Variants in KLK14 observed in about 807,000 individuals in gnomAD.
The protein encoded by KLK14 is kallikrein related peptidase 14, also known as kallikrein-14.
Under a neutral mutation model 24.6 loss-of-function variants are expected in KLK14, and 21 were observed. That is an observed-to-expected ratio of 0.85 (90% CI 0.61 to 1.23). KLK14 has a LOEUF of 1.23. Among genes scored for constraint, KLK14 ranks in the 50% most tolerant of loss-of-function variants. KLK14 has a pLI of 0.00. For synonymous variants in KLK14, 133 were observed against 139.7 expected, an observed-to-expected ratio of 0.95 and a Z score of 0.34; for missense variants, 320 against 338.9, an observed-to-expected ratio of 0.94 and a Z score of 0.44.
At chr19:51,083,297 G>C (rs1356570583), upstream of KLK14, among the ~76,000 whole-genome samples, 2 of 150,370 alleles carry the variant, frequency 1.3e-5, no homozygotes, top group Non-Finnish European at 3.0e-5. Context: ...GAGAGAGAGA[G>C]AGAGAGAGAG....
In KLK14 at chr19:51,078,217, G is replaced by A. The variant is rs1307005032; in HGVS notation, c.604-58C>T. ...TGGACAGGTAGCCAGAGCCACCATGGCACAGAGAACCCGAGAAGCAGACAC... is the reference window on the plus strand; with the variant it reads ...TGGACAGGTAGCCAGAGCCACCATGACACAGAGAACCCGAGAAGCAGACAC... On this transcript the variant is annotated intron_variant, in intron 5 of 5. Transcript: ENST00000650543. This position sits in a 1 kb window ranked among gnomAD's most constrained non-coding sequence, Gnocchi z 5.0. 2 of 1,565,648 alleles carry A rather than the reference G, an allele frequency of 1.3e-6. No homozygotes were observed. Among genetic ancestry groups the A allele is most frequent in the South Asian group, 1.1e-5 (1 of 87,858 alleles).
At position 51,078,458 on chromosome 19, in the gene KLK14, C is replaced by G. The variant is rs1599795852; in HGVS notation, c.604-299G>C. On this transcript the variant is annotated intron_variant, in intron 5 of 5. Transcript: ENST00000650543. The surrounding 1 kb of genome is among the most constrained non-coding windows in gnomAD (Gnocchi z 5.0). ...TGTCTCTCTTTTTCTATTTCCCCAT[C>G]TCTGCCTCCCTCAAGGATGCATTAA... Among the ~76,000 whole-genome samples, 6 of 152,254 alleles carry G rather than the reference C, an allele frequency of 3.9e-5. No homozygotes were observed. The South Asian group carries it at 1.2e-3, about 32-fold the overall frequency.
At position 51,081,665 on chromosome 19, in the gene KLK14, C is replaced by G. The variant is rs746774315; in HGVS notation, c.79G>C (p.Gly27Arg). 1.9e-6 allele frequency: 3 copies of G among 1,552,302 alleles called. No homozygotes were observed. Among genetic ancestry groups the G allele is most frequent in the Non-Finnish European group, 1.7e-6 (2 of 1,147,054 alleles). Residue 27 changes from glycine (G) to arginine (R), a missense_variant, in exon 3 of 6, where the codon GGT (glycine) becomes CGT (arginine). Physicochemically the swap from Gly to Arg is moderately radical, Grantham distance 125 (BLOSUM62 -2). Transcript: ENST00000650543. The part of the protein sequence containing the change: ...QSQEDENKII[G>R]GHTCTRSSQP... ...GAGCTCCGGGTGCACGTATGGCCAC[C>G]AATTATCTTGTTCTCATCCTCTTGG...
intron 3 of KLK14, among the ~76,000 whole-genome samples, chr19:51,080,130 C>T (rs2091831123): frequency 6.6e-6 from 1 of 152,218 alleles, no homozygotes; most frequent in Non-Finnish European, 1.5e-5. Context: ...TGACTCTATG[C>T]TAAGATCAGG....
intron 2 of KLK14, among the ~76,000 whole-genome samples, 199 bp from the exon 3 acceptor site, chr19:51,081,902 C>T (rs938098579): frequency 6.6e-6 from 1 of 152,118 alleles, no homozygotes; most frequent in African/African-American, 2.4e-5. Flanking sequence ...CTTTCTGACT[C>T]ACCTCCCAAG....
Position 51,082,844 on chromosome 19 carries a change from C to T in KLK14, c.-145G>A, listed in dbSNP as rs1367066932. ...GGAGGATGTGGAGCAGGGCACAGGTCCCTCCTTGATGTCTTGATGAAGGAA... is the reference window on the plus strand; with the variant it reads ...GGAGGATGTGGAGCAGGGCACAGGTTCCTCCTTGATGTCTTGATGAAGGAA... On this transcript the variant is annotated 5_prime_UTR_variant, in exon 1 of 6. Transcript: ENST00000650543. 6 of 1,362,810 alleles carry T rather than the reference C, an allele frequency of 4.4e-6. No homozygotes were observed. Among genetic ancestry groups the T allele is most frequent in the Admixed American group, 2.0e-5 (1 of 50,468 alleles). The allele number at this position is 1,362,810 out of a possible 1,614,324, so 84.4% of individuals were successfully genotyped here.
At position 51,078,276 on chromosome 19, in the gene KLK14, G is replaced by A; in HGVS notation, c.604-117C>T. The stretch of plus-strand genomic sequence containing the variant: ...AGGCAGAGACACTGGTGGACAGTTA[G>A]GGACACAGTCCTGCCCCAGCTCTGA... On this transcript the variant is annotated intron_variant, in intron 5 of 5. Coordinates refer to ENST00000650543, the MANE Select transcript of KLK14 (RefSeq NM_001369775.2). The surrounding 1 kb of genome is among the most constrained non-coding windows in gnomAD (Gnocchi z 5.0). 8.9e-7 allele frequency: 1 copy of A among 1,123,524 alleles called. No homozygotes were observed. Among genetic ancestry groups the A allele is most frequent in the Non-Finnish European group, 1.3e-6 (1 of 791,696 alleles). The allele number at this position is 1,123,524 out of a possible 1,614,324, so 69.6% of individuals were successfully genotyped here.
chr19:51,081,602 G>T lies in KLK14; in HGVS notation c.142C>A (p.Arg48Ser). The T allele has an allele frequency of 6.4e-7, 1 of 1,550,628 alleles. No homozygotes were observed. The highest frequency in any genetic ancestry group is 8.7e-7 in the Non-Finnish European group (1 of 1,146,368). ...WQAALLAGPR[R>S]RFLCGGALLS... ...AGGGCGCCTCCGCAGAGGAAGCGGC[G>T]CCTGGGACCCGCCAGCAGGGCCGCC... The change falls in exon 3 of 6, where the codon CGC becomes AGC. Residue 48 changes from arginine to serine, a missense_variant. By Grantham distance (110) the Arg-to-Ser change is moderately radical. Coordinates refer to ENST00000650543, the MANE Select transcript of KLK14 (RefSeq NM_001369775.2).
At chr19:51,080,704 G>A (rs1054472811) in intron 3 of KLK14, among the ~76,000 whole-genome samples, 2 of 152,048 alleles carry the variant, frequency 1.3e-5, no homozygotes. Context: ...ATGGAGTTTC[G>A]CTCTTGTTGC....
intron 3 of KLK14, among the ~76,000 whole-genome samples, chr19:51,080,748 AC>A (rs2091834573): frequency 6.6e-6 from 1 of 152,102 alleles, no homozygotes; most frequent in Admixed American, 6.5e-5. Context: ...ATCTTGACTC[AC>A]TGCAACCTCC....
Position 51,081,517 on chromosome 19 carries a change from G to A in KLK14, c.212+15C>T. 6.7e-7 allele frequency: 1 copy of A among 1,496,052 alleles called. No individual in the cohort carries two copies. The highest frequency in any genetic ancestry group is 9.0e-7 in the Non-Finnish European group (1 of 1,117,148). 92.7% of individuals were successfully genotyped at this position (1,496,052 alleles called of 1,614,324 possible). On this transcript the variant is annotated intron_variant, in intron 3 of 5. Transcript: ENST00000650543. The stretch of plus-strand genomic sequence containing the variant: ...GAATTCACTAGGTACAGGGACAGGG[G>A]AGGGGGTCACTTACGGGCGGCCGCA...
At position 51,078,094 on chromosome 19, in the gene KLK14, C is replaced by T; in HGVS notation, c.669G>A (p.Glu223=). 1 of 1,613,972 alleles carries T rather than the reference C, an allele frequency of 6.2e-7. No individual in the cohort carries two copies. The highest frequency in any genetic ancestry group is 8.5e-7 in the Non-Finnish European group (1 of 1,179,902). ...CGGGGTAGCCAGGCAGGGCGCAGCG[C>T]TCCATTCCCCAAGACACGAGGCCCT... ...QLQGLVSWGM[E]RCALPGYPGV... Residue 223 remains glutamate (E), a synonymous_variant, in exon 6 of 6, where the codon GAG becomes GAA. Coordinates refer to ENST00000650543, the MANE Select transcript of KLK14 (RefSeq NM_001369775.2). The surrounding 1 kb of genome is among the most constrained non-coding windows in gnomAD (Gnocchi z 5.0).
At position 51,082,789 on chromosome 19, in the gene KLK14, G is replaced by A. The variant is rs370668641; in HGVS notation, c.-90C>T. The A allele has an allele frequency of 4.3e-5, 69 of 1,605,392 alleles. No individual in the cohort carries two copies. The highest frequency in any genetic ancestry group is 5.2e-5 in the Non-Finnish European group (61 of 1,176,370). Reference sequence around the variant, plus strand: ...GGTAGGGACCAGAGACGAGGGGGGCGGGGCCTGCAGGCTCTGCGGGCGGCA... The same window carrying A: ...GGTAGGGACCAGAGACGAGGGGGGCAGGGCCTGCAGGCTCTGCGGGCGGCA... On this transcript the variant is annotated 5_prime_UTR_variant, in exon 1 of 6. Coordinates refer to ENST00000650543, the MANE Select transcript of KLK14 (RefSeq NM_001369775.2).
chr19:51,080,603 G>C (rs1224496127), intron 3 of KLK14, among the ~76,000 whole-genome samples: 1 of 152,330 alleles, frequency 6.6e-6, no homozygotes, highest in African/African-American at 2.4e-5. Flanking sequence ...TGGGTTGTAA[G>C]TTCAGATCTA....
At chr19:51,083,385 G>GGA (rs147284214), upstream of KLK14, among the ~76,000 whole-genome samples, 1 of 136,020 alleles carries the variant, frequency 7.4e-6, no homozygotes, top group Non-Finnish European at 1.5e-5. Flanking sequence ...GTGACGGGGG[G>GGA]GAGAGAGAGA....
At position 51,078,451 on chromosome 19, in the gene KLK14, T is replaced by C. The variant is rs1025271980; in HGVS notation, c.604-292A>G. ...ATTTGTGTGTCTCTCTTTTTCTATT[T>C]CCCCATCTCTGCCTCCCTCAAGGAT... On this transcript the variant is annotated intron_variant, in intron 5 of 5. Coordinates refer to ENST00000650543, the MANE Select transcript of KLK14 (RefSeq NM_001369775.2). This position sits in a 1 kb window ranked among gnomAD's most constrained non-coding sequence, Gnocchi z 5.0. Among the ~76,000 whole-genome samples, 7 of 152,100 alleles carry C rather than the reference T, an allele frequency of 4.6e-5. No individual in the cohort carries two copies. The highest frequency in any genetic ancestry group is 8.8e-5 in the Non-Finnish European group (6 of 68,008).
At chr19:51,079,339 C>T (rs1025040944) in intron 4 of KLK14, 110 bp downstream of exon 4, 2 of 1,200,606 alleles carry the variant, frequency 1.7e-6, no homozygotes, top group Admixed American at 2.7e-5. Context: ...GAGTCCAGGC[C>T]CAGCCCCTCC....
chr19:51,082,834 G>A lies in KLK14; in HGVS notation c.-135C>T. 1.4e-6 allele frequency: 2 copies of A among 1,446,874 alleles called. No individual in the cohort carries two copies. The highest frequency in any genetic ancestry group is 1.2e-5 in the South Asian group (1 of 83,712). 89.6% of individuals were successfully genotyped at this position (1,446,874 alleles called of 1,614,324 possible). ...GCGGCAGGTGGGAGGATGTGGAGCA[G>A]GGCACAGGTCCCTCCTTGATGTCTT... On this transcript the variant is annotated 5_prime_UTR_variant, in exon 1 of 6. Transcript: ENST00000650543.
chr19:51,080,436 C>A (rs905582842), intron 3 of KLK14, among the ~76,000 whole-genome samples: 2 of 152,192 alleles, frequency 1.3e-5, no homozygotes, highest in African/African-American at 4.8e-5. Context: ...CTAGTTGGAG[C>A]TCTAGGTTAT....
Sources: allele counts gnomAD v4.1 joint callset (sites outside exome capture counted in the v4.1 genomes callset), GRCh38; gene constraint gnomAD v4.1.1; non-coding constraint Gnocchi (gnomAD v3.1); transcripts MANE v1.5; gene names NCBI Gene and HGNC (gene_info 2026-07-23, HGNC 2026-07-21).